Variants in COL25A1 observed in about 807,000 individuals in gnomAD.
COL25A1 encodes collagen type XXV alpha 1 chain.
Under a neutral mutation model 128.4 loss-of-function variants are expected in COL25A1, and 103 were observed. The observed-to-expected ratio is 0.80, with a 90% CI of 0.68 to 0.94. The LOEUF is 0.94. COL25A1 is among the 40% of genes least tolerant of loss of function. The pLI is 0.00. For missense variants in COL25A1, 745 were observed against 840.0 expected (o/e 0.89, Z 1.40); for synonymous variants, 279 against 277.2 (o/e 1.01, Z -0.06).
At chr4:108,898,347 T>C (rs1742391458) in intron 15 of COL25A1, among the ~76,000 whole-genome samples, 1 of 152,166 alleles carries the variant, frequency 6.6e-6, no homozygotes, top group Non-Finnish European at 1.5e-5. Context: ...ATAAACTTCT[T>C]TTGGGATGAG....
chr4:108,854,464 T>G (rs2125778352), intron 24 of COL25A1, among the ~76,000 whole-genome samples: 1 of 151,994 alleles, frequency 6.6e-6, no homozygotes, highest in South Asian at 2.1e-4. Flanking sequence ...TTGCAATCTA[T>G]CCATCTGACA....
chr4:108,889,074 A>T, intron 18 of COL25A1, 147 bp downstream of exon 18: 1 of 756,112 alleles, frequency 1.3e-6, no homozygotes, highest in Non-Finnish European at 2.2e-6. Context: ...AAGACCTTTT[A>T]AAATGCAAAA....
chr4:109,248,690 T>A (rs1300580970), intron 3 of COL25A1, among the ~76,000 whole-genome samples: 1 of 151,912 alleles, frequency 6.6e-6, no homozygotes, highest in African/African-American at 2.4e-5. Flanking sequence ...CTGCAGGGGA[T>A]CAAGTTTGTC....
chr4:108,980,144 G>A (rs933573804), intron 6 of COL25A1, among the ~76,000 whole-genome samples: 1 of 152,244 alleles, frequency 6.6e-6, no homozygotes, highest in Non-Finnish European at 1.5e-5. Context: ...TGTCATCAAT[G>A]TAACAAGGAG....
chr4:109,276,850 G>C (rs1245014105), intron 3 of COL25A1, among the ~76,000 whole-genome samples: 1 of 152,060 alleles, frequency 6.6e-6, no homozygotes, highest in African/African-American at 2.4e-5. Context: ...TCCACTCCGG[G>C]ACCCAAGTTC....
chr4:109,291,996 T>C lies in COL25A1; in HGVS notation c.367+8587A>G, dbSNP rs540500883. 7.9e-5 allele frequency among the ~76,000 whole-genome samples: 12 copies of C among 152,240 alleles called. No individual in the cohort carries two copies. In the East Asian group the frequency reaches 2.3e-3, roughly 29 times the overall value. On this transcript the variant is annotated intron_variant, in intron 3 of 37. Coordinates refer to ENST00000399132, the MANE Select transcript of COL25A1 (RefSeq NM_198721.4). ...ACATAATTTTACTACCATCATCTAG[T>C]CATGCTTACAGTACAGTATTTCAAA...
At chr4:109,118,397 GT>G (rs1710392277) in intron 3 of COL25A1, among the ~76,000 whole-genome samples, 3 of 151,698 alleles carry the variant, frequency 2.0e-5, no homozygotes, top group Non-Finnish European at 1.5e-5. Context: ...GAGGTGATGG[GT>G]ATGTTAATTA....
At chr4:109,247,906 G>T (rs987090371) in intron 3 of COL25A1, among the ~76,000 whole-genome samples, 2 of 152,104 alleles carry the variant, frequency 1.3e-5, no homozygotes, top group Non-Finnish European at 2.9e-5. Flanking sequence ...GGGTCAAGAA[G>T]GGAGAGAGAT....
chr4:108,905,340 ATAT>A (rs145400687), intron 13 of COL25A1, among the ~76,000 whole-genome samples: 7,706 of 152,058 alleles, frequency 0.051, 339 homozygotes, highest in East Asian at 0.17. Flanking sequence ...AAAAATGTGA[ATAT>A]TATTATTCTT....
intron 8 of COL25A1, among the ~76,000 whole-genome samples, chr4:108,955,229 T>C (rs1436750522): frequency 1.3e-5 from 2 of 151,368 alleles, no homozygotes. Context: ...AGTAAGAAGT[T>C]ACTATTTTAT....
At position 109,255,426 on chromosome 4, in the gene COL25A1, C is replaced by G. The variant is rs546625560; in HGVS notation, c.367+45157G>C. Reference sequence around the variant, plus strand: ...CAGGCCTTGTGGTTTGGGTGTTATCCAAATTTATTTCACCTGCTGCTCTAA... The same window carrying G: ...CAGGCCTTGTGGTTTGGGTGTTATCGAAATTTATTTCACCTGCTGCTCTAA... On this transcript the variant is annotated intron_variant, in intron 3 of 37. Coordinates refer to ENST00000399132, the MANE Select transcript of COL25A1 (RefSeq NM_198721.4). 1.8e-4 allele frequency among the ~76,000 whole-genome samples: 27 copies of G among 152,216 alleles called. No individual in the cohort carries two copies. In the East Asian group the frequency reaches 5.0e-3, roughly 28 times the overall value.
intron 8 of COL25A1, among the ~76,000 whole-genome samples, chr4:108,972,307 A>T (rs1195094943): frequency 6.6e-6 from 1 of 152,232 alleles, no homozygotes; most frequent in African/African-American, 2.4e-5. Context: ...GGTCATCATC[A>T]GCAAGAATAC....
chr4:108,867,322 C>T (rs985221973), intron 20 of COL25A1, among the ~76,000 whole-genome samples: 1 of 152,182 alleles, frequency 6.6e-6, no homozygotes, highest in African/African-American at 2.4e-5. Flanking sequence ...CTTTCCTGCC[C>T]TGGGTCCGAG....
intron 3 of COL25A1, among the ~76,000 whole-genome samples, chr4:109,158,010 C>T (rs997880761): frequency 6.6e-6 from 1 of 152,164 alleles, no homozygotes; most frequent in African/African-American, 2.4e-5. Context: ...TATAAAATTA[C>T]ATGGATGTTG....
At chr4:109,201,294 A>G (rs1776534883) in intron 3 of COL25A1, among the ~76,000 whole-genome samples, 1 of 152,206 alleles carries the variant, frequency 6.6e-6, no homozygotes, top group Non-Finnish European at 1.5e-5. Context: ...TATACTCCAC[A>G]ACCAAGTGGG....
chr4:109,175,299 G>A (rs566205202), intron 3 of COL25A1, among the ~76,000 whole-genome samples: 16 of 152,300 alleles, frequency 1.1e-4, no homozygotes, highest in Admixed American at 3.3e-4. Flanking sequence ...CCAAACCTGC[G>A]TTTTTATGCA....
At chr4:109,205,861 T>C (rs2126188222) in intron 3 of COL25A1, among the ~76,000 whole-genome samples, 1 of 152,160 alleles carries the variant, frequency 6.6e-6, no homozygotes, top group Non-Finnish European at 1.5e-5. Flanking sequence ...CTTCACAGTG[T>C]CTCTGATGTA....
intron 36 of COL25A1, among the ~76,000 whole-genome samples, chr4:108,818,808 T>A (rs1307604457): frequency 1.3e-5 from 2 of 152,000 alleles, no homozygotes; most frequent in African/African-American, 4.8e-5. Flanking sequence ...ATTCCGTAGG[T>A]TGGGCCTTAT....
At chr4:109,023,150 A>C (rs959711083) in intron 5 of COL25A1, among the ~76,000 whole-genome samples, 2 of 152,234 alleles carry the variant, frequency 1.3e-5, no homozygotes, top group East Asian at 1.9e-4. Context: ...CTTCCACAGC[A>C]TATCAGTGAC....
Sources: allele counts gnomAD v4.1 joint callset (sites outside exome capture counted in the v4.1 genomes callset), GRCh38; gene constraint gnomAD v4.1.1; transcripts MANE v1.5; gene names NCBI Gene and HGNC (gene_info 2026-07-23, HGNC 2026-07-21).